The following NAA11 variants were observed in gnomAD, a reference collection of about 807,000 sequenced individuals.
NAA11 encodes the protein N-alpha-acetyltransferase 11.
A neutral mutation model predicts 16.1 loss-of-function variants in NAA11; 15 were observed. The ratio of observed to expected loss-of-function variants is 0.93; its 90% CI spans 0.62 to 1.44. The LOEUF (loss-of-function observed/expected upper bound fraction) is 1.44. Among genes scored for constraint, NAA11 ranks in the 40% most tolerant of loss-of-function variants. The pLI, the probability that NAA11 is intolerant of heterozygous loss-of-function variation, is 0.00. For missense variants in NAA11, 298 were observed against 291.3 expected, an observed-to-expected ratio of 1.02 and a Z score of -0.17; for synonymous variants, 122 against 112.4, an observed-to-expected ratio of 1.09 and a Z score of -0.54.
rs561051577 is a variant in NAA11 at position 79,262,965 on chromosome 4, A to T, written c.*122+31040T>A. The stretch of plus-strand genomic sequence containing the variant: ...GTCCCCACCTTGTAGAAACTTACAT[A>T]TAAAAGGGATGACAGGATTTAAATA... On this transcript the variant is annotated intron_variant and NMD_transcript_variant, in intron 2 of 2. Coordinates refer to the NAA11 transcript ENST00000511542. 2.0e-5 allele frequency among the ~76,000 whole-genome samples: 3 copies of T among 152,312 alleles called. No individual in the cohort carries two copies. The East Asian group carries it at 5.8e-4, about 29-fold the overall frequency.
intron 1 of NAA11, among the ~76,000 whole-genome samples, chr4:79,305,424 A>G (rs191290709): frequency 2.0e-5 from 3 of 152,236 alleles, no homozygotes; most frequent in Admixed American, 2.0e-4. Context: ...TCTGAGATCT[A>G]GAAGTTTTAT....
intron 2 of NAA11, among the ~76,000 whole-genome samples, chr4:79,252,969 G>A (rs551930098): frequency 4.7e-4 from 71 of 152,306 alleles, no homozygotes; most frequent in African/African-American, 1.5e-3. Context: ...GACCAGTTAG[G>A]GGTCTCTTGA....
At chr4:79,283,275 T>G (rs1178550226) in intron 2 of NAA11, among the ~76,000 whole-genome samples, 1 of 152,080 alleles carries the variant, frequency 6.6e-6, no homozygotes, top group African/African-American at 2.4e-5. Context: ...TCAAGAAGTT[T>G]TTTTTTAATG....
At chr4:79,240,046 T>G (rs1427685519) in intron 2 of NAA11, among the ~76,000 whole-genome samples, 1 of 152,212 alleles carries the variant, frequency 6.6e-6, no homozygotes, top group African/African-American at 2.4e-5. Flanking sequence ...ACATTGGATG[T>G]CTTCCATCAT....
At chr4:79,305,272 T>C (rs1275581222) in intron 1 of NAA11, 1 of 152,212 alleles carries the variant, frequency 6.6e-6, no homozygotes, top group Non-Finnish European at 1.5e-5. Flanking sequence ...TAAGGTAAAA[T>C]ACTTTACATA....
chr4:79,309,714 C>CTTTTT lies in NAA11; in HGVS notation c.*12+15457_*12+15461dup, dbSNP rs71662804. Among the ~76,000 whole-genome samples, 47 of 81,426 alleles carry CTTTTT rather than the reference C, an allele frequency of 5.8e-4. 1 individual carries two copies. Among genetic ancestry groups the CTTTTT allele is most frequent in the East Asian group, 1.5e-3 (4 of 2,598 alleles). 53.4% of individuals were successfully genotyped at this position (81,426 alleles called of 152,430 possible). A position where few individuals can be genotyped will look rare whatever the true frequency, so the allele number is the denominator to read the frequency against. On this transcript the variant is annotated intron_variant and NMD_transcript_variant, in intron 1 of 2. Transcript: ENST00000511542. The stretch of plus-strand genomic sequence containing the variant: ...TATTCTATTGGTGTTTTTTTTTTTT[C>CTTTTT]TTTTTTTTTTTTTTTTTTTGAGATG...
At chr4:79,312,676 T>C (rs57475111), downstream of NAA11, among the ~76,000 whole-genome samples, 1,053 of 134,538 alleles carry the variant, frequency 7.8e-3, 16 homozygotes, top group African/African-American at 0.029. Flanking sequence ...AAAAAAAGAG[T>C]TGGGGTCTTG....
chr4:79,286,193 C>T (rs1374820853), intron 2 of NAA11, among the ~76,000 whole-genome samples: 1 of 152,026 alleles, frequency 6.6e-6, no homozygotes, highest in East Asian at 1.9e-4. Context: ...CCCACAATGG[C>T]TGAAATGATT....
chr4:79,204,928 TACACACAC>T, the NAA11 span, among the ~76,000 whole-genome samples: 13 of 147,904 alleles, frequency 8.8e-5, no homozygotes, highest in African/African-American at 2.0e-4. Context: ...ATGGTGTGTA[TACACACAC>T]ACACACACAC....
chr4:79,297,888 G>C (rs1305568345), intron 1 of NAA11, among the ~76,000 whole-genome samples: 1 of 152,210 alleles, frequency 6.6e-6, no homozygotes, highest in Non-Finnish European at 1.5e-5. Flanking sequence ...TGGGGGGCAG[G>C]CTGCCAGTCC....
chr4:79,204,383 A>G, the NAA11 span, among the ~76,000 whole-genome samples: 11 of 151,912 alleles, frequency 7.2e-5, no homozygotes, highest in African/African-American at 2.7e-4. Context: ...TGGTTAGCGA[A>G]AAATCAGGTT....
chr4:79,293,805 T>A (rs1723146719), intron 2 of NAA11, among the ~76,000 whole-genome samples: 2 of 152,152 alleles, frequency 1.3e-5, no homozygotes, highest in Admixed American at 6.6e-5. Context: ...CCCCCAAAAT[T>A]CATGTGTTGA....
downstream of NAA11, among the ~76,000 whole-genome samples, chr4:79,221,502 G>C (rs1243506585): frequency 7.6e-6 from 1 of 131,000 alleles, no homozygotes; most frequent in African/African-American, 2.8e-5. Context: ...TATGATATTG[G>C]CTGTGGGTTT....
At chr4:79,314,451 C>T (rs763683446), downstream of NAA11, among the ~76,000 whole-genome samples, 14 of 151,706 alleles carry the variant, frequency 9.2e-5, no homozygotes, top group East Asian at 1.9e-4. Flanking sequence ...GTTAAAAATA[C>T]GGGACTGATT....
intron 2 of NAA11, among the ~76,000 whole-genome samples, chr4:79,238,066 G>C (rs1253043051): frequency 6.6e-6 from 1 of 152,230 alleles, no homozygotes; most frequent in Non-Finnish European, 1.5e-5. Context: ...AGCTGCTGTA[G>C]CTACTACCAG....
At chr4:79,250,491 T>C (rs1456586049) in intron 2 of NAA11, among the ~76,000 whole-genome samples, 1 of 152,184 alleles carries the variant, frequency 6.6e-6, no homozygotes, top group Non-Finnish European at 1.5e-5. Context: ...TCAAGATGGA[T>C]TGAGACCCAA....
At chr4:79,306,412 C>G (rs1170593488) in intron 1 of NAA11, among the ~76,000 whole-genome samples, 1 of 152,138 alleles carries the variant, frequency 6.6e-6, no homozygotes, top group Admixed American at 6.5e-5. Context: ...CACAGTCTTT[C>G]CTCTCTAGGT....
intron 2 of NAA11, among the ~76,000 whole-genome samples, chr4:79,285,738 A>G (rs1037147240): frequency 6.6e-6 from 1 of 152,072 alleles, no homozygotes; most frequent in African/African-American, 2.4e-5. Flanking sequence ...CCAAGTTAGT[A>G]AAGATTTTCT....
chr4:79,186,461 G>T, the NAA11 span, among the ~76,000 whole-genome samples: 1 of 152,132 alleles, frequency 6.6e-6, no homozygotes, highest in Admixed American at 6.5e-5. Flanking sequence ...AGACTTTGGG[G>T]ACAAGATGGC....
Sources: allele counts gnomAD v4.1 joint callset (sites outside exome capture counted in the v4.1 genomes callset), GRCh38; gene constraint gnomAD v4.1.1; transcripts MANE v1.5; gene names NCBI Gene and HGNC (gene_info 2026-07-23, HGNC 2026-07-21).